MICAL2: variants seen among roughly 807,000 people sequenced by gnomAD.
MICAL2 encodes the protein [F-actin]-monooxygenase MICAL2.
In MICAL2, 77 loss-of-function variants were observed where a neutral mutation model predicts 127.3. That is an observed-to-expected ratio of 0.60 (90% CI 0.50 to 0.73). The LOEUF (loss-of-function observed/expected upper bound fraction) is 0.73. Among genes scored for constraint, MICAL2 ranks in the 30% least tolerant of loss-of-function variants. MICAL2 has a pLI of 0.00. For missense variants in MICAL2, 1,351 were observed against 1,434.4 expected, an observed-to-expected ratio of 0.94 and a Z score of 0.94; for synonymous variants, 570 against 551.1, an observed-to-expected ratio of 1.03 and a Z score of -0.48.
At chr11:12,312,907 C>T (rs1374051237) in intron 29 of MICAL2, among the ~76,000 whole-genome samples, 1 of 152,198 alleles carries the variant, frequency 6.6e-6, no homozygotes, top group African/African-American at 2.4e-5. Context: ...TGGCTCACGC[C>T]TGTAATCTCA....
chr11:12,349,744 A>G, intron 32 of MICAL2: 5 of 1,198,168 alleles, frequency 4.2e-6, no homozygotes, highest in Admixed American at 1.8e-5. Context: ...AGCCCTTGTC[A>G]CTACAAACAT....
chr11:12,137,618 T>G (rs1218249272), intron 1 of MICAL2, among the ~76,000 whole-genome samples: 1 of 152,154 alleles, frequency 6.6e-6, no homozygotes, highest in East Asian at 1.9e-4. Context: ...TGTGAGTGTG[T>G]GTGTGGGGGG....
intron 29 of MICAL2, among the ~76,000 whole-genome samples, chr11:12,312,707 A>G (rs1864187872): frequency 6.6e-6 from 1 of 152,194 alleles, no homozygotes; most frequent in Admixed American, 6.5e-5. Flanking sequence ...TCAACAAAAT[A>G]TGGATTGTCA....
chr11:12,325,505 T>C (rs1291365845), intron 31 of MICAL2, among the ~76,000 whole-genome samples: 1 of 152,198 alleles, frequency 6.6e-6, no homozygotes, highest in East Asian at 1.9e-4. Flanking sequence ...CAGAAACTTA[T>C]TTTCCTCATG....
At chr11:12,205,220 G>T (rs1854530560) in intron 4 of MICAL2, among the ~76,000 whole-genome samples, 1 of 152,144 alleles carries the variant, frequency 6.6e-6, no homozygotes, top group South Asian at 2.1e-4. Context: ...CCTCAAGCCT[G>T]GAGCTCTCTG....
chr11:12,230,920 G>A (rs1178386202), intron 15 of MICAL2, among the ~76,000 whole-genome samples: 1 of 152,198 alleles, frequency 6.6e-6, no homozygotes, highest in Admixed American at 6.5e-5. Context: ...AGCTTGGGGA[G>A]TATATTTTCC....
At chr11:12,156,094 G>A (rs558254090) in intron 2 of MICAL2, among the ~76,000 whole-genome samples, 24 of 152,284 alleles carry the variant, frequency 1.6e-4, no homozygotes, top group South Asian at 2.1e-4. Context: ...GTGAAGGAGC[G>A]GGCATAGAAG....
chr11:12,131,833 C>T (rs990142587), intron 1 of MICAL2, among the ~76,000 whole-genome samples: 3 of 152,060 alleles, frequency 2.0e-5, no homozygotes, highest in Admixed American at 1.3e-4. Flanking sequence ...ATTGAGGATG[C>T]GAAGCCTACT....
At chr11:12,290,733 T>G (rs1994902), downstream of MICAL2, among the ~76,000 whole-genome samples, 16,598 of 152,184 alleles carry the variant, frequency 0.11, 1,339 homozygotes, top group African/African-American at 0.22. Flanking sequence ...GAGGCCTCCC[T>G]CTGGGAGCTT....
Position 12,162,104 on chromosome 11 carries a change from T to C in MICAL2, c.-52T>C. 1 of 1,608,708 alleles carries C rather than the reference T, an allele frequency of 6.2e-7. No homozygotes were observed. The highest frequency in any genetic ancestry group is 8.5e-7 in the Non-Finnish European group (1 of 1,177,030). ...GTGTGACGTTTCTCCAGATACTTCA[T>C]GCTGTTCACCTGTGTCCTCGCCGCA... On this transcript the variant is annotated 5_prime_UTR_variant, in exon 3 of 28. The change abolishes an upstream ATG in the 5' untranslated region. Coordinates refer to ENST00000683283, the MANE Select transcript of MICAL2 (RefSeq NM_001282663.2).
chr11:12,181,690 TCAGTAGGA>T (rs1291272303), intron 3 of MICAL2, among the ~76,000 whole-genome samples: 65 of 152,374 alleles, frequency 4.3e-4, no homozygotes, highest in Admixed American at 1.0e-3. Context: ...AGAAAAGCTG[TCAGTAGGA>T]CATGAGTTAG....
intron 33 of MICAL2, among the ~76,000 whole-genome samples, chr11:12,350,969 G>T (rs1245724367): frequency 6.6e-6 from 1 of 152,152 alleles, no homozygotes; most frequent in Non-Finnish European, 1.5e-5. Flanking sequence ...CTGAGTTTGT[G>T]GCTGCATCAC....
chr11:12,238,997 A>G (rs921642413), intron 16 of MICAL2, among the ~76,000 whole-genome samples: 3 of 152,196 alleles, frequency 2.0e-5, no homozygotes, highest in Admixed American at 2.0e-4. Flanking sequence ...TGCTTCCTTC[A>G]TTGGCCCCCA....
At chr11:12,354,622 C>A (rs956992704) in intron 33 of MICAL2, among the ~76,000 whole-genome samples, 2 of 152,080 alleles carry the variant, frequency 1.3e-5, no homozygotes, top group South Asian at 4.2e-4. Flanking sequence ...GACAAAGACT[C>A]GGTCTCAGAA....
chr11:12,159,875 C>T (rs1329641047), intron 2 of MICAL2, among the ~76,000 whole-genome samples: 5 of 152,210 alleles, frequency 3.3e-5, no homozygotes, highest in African/African-American at 7.2e-5. Context: ...GCACAGTGGA[C>T]GCTCACAGAG....
At chr11:12,319,459 T>TTA (rs1864267225) in intron 29 of MICAL2, among the ~76,000 whole-genome samples, 1 of 151,320 alleles carries the variant, frequency 6.6e-6, no homozygotes, top group African/African-American at 2.4e-5. Context: ...TTTTTTTTTT[T>TTA]AATGTGAAAA....
chr11:12,180,385 A>G (rs7115600), intron 3 of MICAL2, among the ~76,000 whole-genome samples: 12,932 of 150,312 alleles, frequency 0.086, 791 homozygotes, highest in African/African-American at 0.17. Flanking sequence ...CATGAAGGGC[A>G]TACCACTGGC....
chr11:12,226,745 T>C (rs1468316082), intron 14 of MICAL2, among the ~76,000 whole-genome samples: 3 of 146,986 alleles, frequency 2.0e-5, no homozygotes, highest in Non-Finnish European at 4.5e-5. Context: ...CTCTGCCTCC[T>C]GGGTTCACGC....
rs533829837 is a variant in MICAL2, at chr11:12,146,986, C to T, written c.-78+8526C>T. On this transcript the variant is annotated intron_variant, in intron 2 of 27. Coordinates refer to ENST00000683283, the MANE Select transcript of MICAL2 (RefSeq NM_001282663.2). ...CAGAAAACCAAACACTGCATGTTCT[C>T]ACTCATAGGTGGAAGTTGAACAATG... Among the ~76,000 whole-genome samples, 308 of 152,090 alleles carry T rather than the reference C, an allele frequency of 2.0e-3. 3 individuals carry two copies. The highest frequency in any genetic ancestry group is 0.017 in the Middle Eastern group (5 of 294).
Sources: gnomAD v4.1 joint callset for allele counts (sites outside exome capture counted in the v4.1 genomes callset) on GRCh38, gnomAD v4.1.1 for gene constraint, MANE v1.5 for transcripts, NCBI Gene and HGNC (gene_info 2026-07-23, HGNC 2026-07-21) for gene names.